The following LRRC4C variants were observed in gnomAD, a reference collection of about 807,000 sequenced individuals.
LRRC4C encodes the protein leucine-rich repeat-containing protein 4C.
In LRRC4C, 5 loss-of-function variants were observed where a neutral mutation model predicts 33.6. The observed-to-expected ratio is 0.15, with a 90% CI of 0.08 to 0.31. The LOEUF is 0.31. Ranked by LOEUF, LRRC4C falls within the 10% of genes least tolerant of loss-of-function variation. LRRC4C has a pLI of 1.00. For missense variants in LRRC4C, 560 were observed against 796.7 expected (o/e 0.70, Z 3.58); for synonymous variants, 329 against 302.0 (o/e 1.09, Z -0.93).
At chr11:40,153,536 A>C (rs562940261) in intron 5 of LRRC4C, among the ~76,000 whole-genome samples, 1 of 152,290 alleles carries the variant, frequency 6.6e-6, no homozygotes, top group Non-Finnish European at 1.5e-5. Flanking sequence ...GGAAATACAA[A>C]AAATGATATT....
At chr11:40,274,657 G>T (rs572101858) in intron 4 of LRRC4C, among the ~76,000 whole-genome samples, 1 of 152,184 alleles carries the variant, frequency 6.6e-6, no homozygotes, top group African/African-American at 2.4e-5. Flanking sequence ...AGACAGTCCT[G>T]TTACCTGTAA....
intron 3 of LRRC4C, among the ~76,000 whole-genome samples, chr11:40,644,671 AC>A (rs1942330310): frequency 6.6e-6 from 1 of 152,212 alleles, no homozygotes; most frequent in South Asian, 2.1e-4. Flanking sequence ...TAAGCCACAT[AC>A]TGTGTGATTA....
intron 2 of LRRC4C, among the ~76,000 whole-genome samples, chr11:40,720,104 G>A (rs1163104298): frequency 6.6e-6 from 1 of 151,990 alleles, no homozygotes; most frequent in Non-Finnish European, 1.5e-5. Flanking sequence ...ATTCTCCCAG[G>A]ACTCATGTTT....
chr11:40,694,889 C>A (rs904104187), intron 2 of LRRC4C, among the ~76,000 whole-genome samples: 2 of 152,104 alleles, frequency 1.3e-5, no homozygotes, highest in Non-Finnish European at 2.9e-5. Flanking sequence ...CTTTTATCAT[C>A]ATCGTAGCCC....
intron 1 of LRRC4C, among the ~76,000 whole-genome samples, chr11:41,281,209 A>G (rs1308545896): frequency 1.3e-5 from 2 of 151,874 alleles, no homozygotes; most frequent in Non-Finnish European, 2.9e-5. Context: ...GCTGGAGAGC[A>G]TTAAGGAATT....
At chr11:41,265,853 A>C (rs1409388290) in intron 1 of LRRC4C, among the ~76,000 whole-genome samples, 1 of 138,648 alleles carries the variant, frequency 7.2e-6, no homozygotes, top group Non-Finnish European at 1.5e-5. Context: ...GCAGGGATGT[A>C]ATGCCCATGG....
chr11:41,011,571 T>G (rs2137535458), intron 1 of LRRC4C, among the ~76,000 whole-genome samples: 1 of 152,126 alleles, frequency 6.6e-6, no homozygotes, highest in South Asian at 2.1e-4. Flanking sequence ...TAACCTGCCC[T>G]TTAACAAAGG....
chr11:41,190,730 C>T (rs1170758238), intron 1 of LRRC4C, among the ~76,000 whole-genome samples: 3 of 152,254 alleles, frequency 2.0e-5, no homozygotes, highest in Non-Finnish European at 2.9e-5. Flanking sequence ...TCTGAAATGA[C>T]GTGACACTAG....
intron 1 of LRRC4C, among the ~76,000 whole-genome samples, chr11:41,376,145 A>T (rs1046122735): frequency 1.2e-4 from 18 of 152,150 alleles, no homozygotes; most frequent in Non-Finnish European, 2.4e-4. Context: ...AAAGAAAAAA[A>T]AAATAAACTC....
At position 40,570,053 on chromosome 11, in the gene LRRC4C, ATAT is replaced by A. The variant is rs564796493; in HGVS notation, c.-270+78086_-270+78088del. ...TAATATGTACATATAAAATATGCACATATTATATATATGAGTATATACATAAAC... is the reference window on the plus strand; with the variant it reads ...TAATATGTACATATAAAATATGCACATATATATATGAGTATATACATAAAC... On this transcript the variant is annotated intron_variant, in intron 3 of 6. Coordinates refer to ENST00000528697, the MANE Select transcript of LRRC4C (RefSeq NM_001258419.2). Among the ~76,000 whole-genome samples the A allele has an allele frequency of 8.6e-4, 131 of 152,110 alleles. 1 individual carries two copies. In the South Asian group the frequency reaches 0.01, roughly 12 times the overall value.
intron 2 of LRRC4C, among the ~76,000 whole-genome samples, chr11:40,906,829 TCACA>T (rs965113237): frequency 1.3e-5 from 2 of 152,166 alleles, no homozygotes; most frequent in African/African-American, 4.8e-5. Context: ...TATACATTAT[TCACA>T]CACAGAAAAA....
intron 1 of LRRC4C, among the ~76,000 whole-genome samples, chr11:40,976,794 C>G (rs1001222722): frequency 2.0e-5 from 3 of 152,212 alleles, no homozygotes; most frequent in East Asian, 1.9e-4. Flanking sequence ...TGTCCTAGAG[C>G]TCTTGTCCCC....
At chr11:40,639,180 T>C (rs1182145215) in intron 3 of LRRC4C, among the ~76,000 whole-genome samples, 14 of 151,850 alleles carry the variant, frequency 9.2e-5, no homozygotes, top group Non-Finnish European at 1.2e-4. Context: ...AAAAAAACTC[T>C]CTAGTTTCCA....
chr11:40,155,532 G>T (rs1436958673), intron 5 of LRRC4C, among the ~76,000 whole-genome samples: 4 of 151,934 alleles, frequency 2.6e-5, no homozygotes, highest in African/African-American at 9.7e-5. Context: ...TATTACAACT[G>T]ACACCACTGA....
chr11:40,305,055 T>C (rs1218124173), intron 4 of LRRC4C, among the ~76,000 whole-genome samples: 6 of 152,130 alleles, frequency 3.9e-5, no homozygotes, highest in African/African-American at 1.4e-4. Context: ...ATCAACCTTA[T>C]CCCACATTTC....
intron 3 of LRRC4C, among the ~76,000 whole-genome samples, chr11:40,382,779 C>T (rs369951032): frequency 4.7e-5 from 7 of 149,858 alleles, no homozygotes; most frequent in African/African-American, 7.4e-5. Context: ...CTGCAAGCTC[C>T]GCCCCCAGGG....
At chr11:40,707,771 T>A (rs935446219) in intron 2 of LRRC4C, among the ~76,000 whole-genome samples, 1 of 152,208 alleles carries the variant, frequency 6.6e-6, no homozygotes, top group African/African-American at 2.4e-5. Context: ...ACTGGAATAG[T>A]TTCAGAAGGA....
intron 2 of LRRC4C, among the ~76,000 whole-genome samples, chr11:40,904,787 C>T (rs748841263): frequency 2.0e-5 from 3 of 152,114 alleles, no homozygotes; most frequent in Non-Finnish European, 4.4e-5. Context: ...AACTAAAGTC[C>T]TATGCTAGGC....
chr11:40,161,036 AT>A (rs1411202029), intron 5 of LRRC4C, among the ~76,000 whole-genome samples: 1 of 152,210 alleles, frequency 6.6e-6, no homozygotes, highest in Non-Finnish European at 1.5e-5. Context: ...TATTTAAATT[AT>A]TGACCATGGG....
Sources: allele counts gnomAD v4.1 joint callset (sites outside exome capture counted in the v4.1 genomes callset), GRCh38; gene constraint gnomAD v4.1.1; transcripts MANE v1.5; gene names NCBI Gene and HGNC (gene_info 2026-07-23, HGNC 2026-07-21).